Variants in CYP3A5 observed in about 807,000 individuals in gnomAD.
CYP3A5 encodes the protein cytochrome P450 3A5.
CYP3A5 carries 51 observed loss-of-function variants against 55.9 expected under a neutral mutation model. That is an observed-to-expected ratio of 0.91 (90% CI 0.73 to 1.15). The LOEUF is 1.15. CYP3A5 is among the 50% of genes most tolerant of loss of function. The pLI is 0.00. For synonymous variants in CYP3A5, 196 were observed against 213.9 expected, an observed-to-expected ratio of 0.92 and a Z score of 0.73; for missense variants, 533 against 596.6, an observed-to-expected ratio of 0.89 and a Z score of 1.11.
At chr7:99,649,996 A>G in intron 12 of CYP3A5, 77 bp downstream of exon 12, 2 of 1,514,880 alleles carry the variant, frequency 1.3e-6, no homozygotes, top group African/African-American at 1.4e-5. Context: ...TAAAAGATAA[A>G]CATGCATATT....
chr7:99,663,034 A>G, intron 8 of CYP3A5, 152 bp from the exon 9 acceptor site: 8 of 1,396,114 alleles, frequency 5.7e-6, no homozygotes, highest in Non-Finnish European at 7.5e-6. Flanking sequence ...ACCAGTGAAC[A>G]AAAACATTCA....
intron 4 of CYP3A5, among the ~76,000 whole-genome samples, chr7:99,670,409 G>A (rs756130205): frequency 6.6e-6 from 1 of 152,170 alleles, no homozygotes; most frequent in Non-Finnish European, 1.5e-5. Flanking sequence ...TCGACATGTT[G>A]GCTAAACATG....
At chr7:99,655,794 C>T (rs1247087675) in intron 10 of CYP3A5, among the ~76,000 whole-genome samples, 1 of 152,212 alleles carries the variant, frequency 6.6e-6, no homozygotes, top group Non-Finnish European at 1.5e-5. Flanking sequence ...AGGTCCTTCA[C>T]ATCCCTTGTA....
intron 3 of CYP3A5, among the ~76,000 whole-genome samples, chr7:99,673,100 A>T (rs1338573490): frequency 2.0e-5 from 3 of 152,198 alleles, no homozygotes; most frequent in Admixed American, 2.0e-4. Flanking sequence ...GTAAATCATC[A>T]AGTGCTCACA....
Position 99,665,318 on chromosome 7 carries a change from A to C in CYP3A5, c.522-4T>G. The C allele has an allele frequency of 6.2e-7, 1 of 1,614,140 alleles. No individual in the cohort carries two copies. Among genetic ancestry groups the C allele is most frequent in the Non-Finnish European group, 8.5e-7 (1 of 1,180,034 alleles). Reference sequence around the variant, plus strand: ...CATGCTGTAGGCCCCAAAGATGCTGAGTGGAGAAAGATATGGAAAATTAAA... The same window carrying C: ...CATGCTGTAGGCCCCAAAGATGCTGCGTGGAGAAAGATATGGAAAATTAAA... On this transcript the variant is annotated splice_polypyrimidine_tract_variant and splice_region_variant and intron_variant, in intron 6 of 12. Coordinates refer to ENST00000222982, the MANE Select transcript of CYP3A5 (RefSeq NM_000777.5).
chr7:99,657,864 T>C (rs569840209), intron 10 of CYP3A5, among the ~76,000 whole-genome samples: 1 of 152,232 alleles, frequency 6.6e-6, no homozygotes, highest in African/African-American at 2.4e-5. Flanking sequence ...TTTTGATCTT[T>C]GTTGGTTTAA....
chr7:99,655,771 A>C (rs1343343851), intron 10 of CYP3A5, among the ~76,000 whole-genome samples: 2 of 152,032 alleles, frequency 1.3e-5, no homozygotes, highest in African/African-American at 4.8e-5. Flanking sequence ...GTGGTTTGTA[A>C]TTCTCCTTGA....
At chr7:99,668,701 C>T (rs180741695) in intron 4 of CYP3A5, among the ~76,000 whole-genome samples, 187 of 152,314 alleles carry the variant, frequency 1.2e-3, no homozygotes, top group African/African-American at 4.1e-3. Flanking sequence ...TGCAGTGCCA[C>T]GTGAAGTGAA....
chr7:99,665,532 C>G (rs1209462136), intron 6 of CYP3A5, among the ~76,000 whole-genome samples: 1 of 152,180 alleles, frequency 6.6e-6, no homozygotes, highest in Non-Finnish European at 1.5e-5. Flanking sequence ...AGACACCAAG[C>G]TGAGTTAGAC....
chr7:99,672,154 C>T (rs1466070263), intron 4 of CYP3A5, among the ~76,000 whole-genome samples: 2 of 152,054 alleles, frequency 1.3e-5, no homozygotes, highest in African/African-American at 4.8e-5. Flanking sequence ...CAGGTTCAAG[C>T]GATTCTCCTG....
At chr7:99,658,619 A>G (rs1242808833) in intron 10 of CYP3A5, among the ~76,000 whole-genome samples, 2 of 152,070 alleles carry the variant, frequency 1.3e-5, no homozygotes, top group Non-Finnish European at 2.9e-5. Flanking sequence ...CTGAATTTGA[A>G]TGTTGGCCTG....
At chr7:99,678,350 T>G (rs1204201336) in intron 1 of CYP3A5, among the ~76,000 whole-genome samples, 1 of 152,234 alleles carries the variant, frequency 6.6e-6, no homozygotes, top group Non-Finnish European at 1.5e-5. Flanking sequence ...ATTTTCTCAC[T>G]TCATATGGAT....
At chr7:99,672,454 A>G (rs1203401018) in intron 4 of CYP3A5, 126 bp downstream of exon 4, 7 of 767,752 alleles carry the variant, frequency 9.1e-6, no homozygotes. Flanking sequence ...GCGGGACAGG[A>G]TGAAGAGTAC....
intron 10 of CYP3A5, chr7:99,658,953 C>G (rs937223910): frequency 6.6e-6 from 1 of 152,350 alleles, no homozygotes; most frequent in Non-Finnish European, 1.5e-5. Context: ...AAGGACTTCT[C>G]TGCATTGATT....
chr7:99,671,841 TG>T lies in CYP3A5; in HGVS notation c.318+738del, dbSNP rs1487538886. On this transcript the variant is annotated intron_variant, in intron 4 of 12. Coordinates refer to ENST00000222982, the MANE Select transcript of CYP3A5 (RefSeq NM_000777.5). ...AGGAGGGAGCCACATGGTGACGGAA[TG>T]GGTCTGCATCTTGATGGTGCTGGTC... The T allele has an allele frequency of 4.3e-6, 3 of 702,844 alleles. No homozygotes were observed. In the African/African-American group the frequency reaches 5.2e-5, roughly 12 times the overall value. 43.5% of individuals were successfully genotyped at this position (702,844 alleles called of 1,614,324 possible).
At chr7:99,679,310 T>C (rs973542971) in intron 1 of CYP3A5, among the ~76,000 whole-genome samples, 1 of 152,062 alleles carries the variant, frequency 6.6e-6, no homozygotes, top group Non-Finnish European at 1.5e-5. Context: ...TGGTGCGTTA[T>C]GTAAATGATA....
rs4646453 is a variant in CYP3A5, at chr7:99,662,739, C to A, written c.865+77G>T. 0.048 allele frequency: 66,459 copies of A among 1,376,960 alleles called. 4,651 individuals are homozygous for A. The highest frequency in any genetic ancestry group is 0.24 in the East Asian group (10,413 of 43,394). The allele number at this position is 1,376,960 out of a possible 1,614,324, so 85.3% of individuals were successfully genotyped here. A position where few individuals can be genotyped will look rare whatever the true frequency, so the allele number is the denominator to read the frequency against. Reference sequence around the variant, plus strand: ...CAAAAATTCTCATCTTCCTGGAATACTTCCTGCACATTTTCAGAACAAGGC... The same window carrying A: ...CAAAAATTCTCATCTTCCTGGAATAATTCCTGCACATTTTCAGAACAAGGC... On this transcript the variant is annotated intron_variant, in intron 9 of 12. Transcript: ENST00000222982. This position sits in a 1 kb window ranked among gnomAD's most constrained non-coding sequence, Gnocchi z 4.3.
intron 4 of CYP3A5, among the ~76,000 whole-genome samples, chr7:99,668,352 C>A (rs1198828721): frequency 2.0e-5 from 3 of 152,056 alleles, no homozygotes; most frequent in African/African-American, 2.4e-5. Flanking sequence ...TAGATTATAC[C>A]CAAATTGTTC....
intron 8 of CYP3A5, 152 bp from the exon 9 acceptor site, chr7:99,663,034 A>C: frequency 7.2e-7 from 1 of 1,396,114 alleles, no homozygotes; most frequent in Non-Finnish European, 9.3e-7. Flanking sequence ...ACCAGTGAAC[A>C]AAAACATTCA....
Sources: gnomAD v4.1 joint callset for allele counts (sites outside exome capture counted in the v4.1 genomes callset) on GRCh38, gnomAD v4.1.1 for gene constraint, Gnocchi (gnomAD v3.1) non-coding constraint, MANE v1.5 for transcripts, NCBI Gene and HGNC (gene_info 2026-07-23, HGNC 2026-07-21) for gene names.